The following FHOD3 variants were observed in gnomAD, a reference collection of about 807,000 sequenced individuals.
FHOD3 encodes FH1/FH2 domain-containing protein 3.
A neutral mutation model predicts 173.0 loss-of-function variants in FHOD3; 90 were observed. That is an observed-to-expected ratio of 0.52 (90% CI 0.44 to 0.62). The LOEUF (loss-of-function observed/expected upper bound fraction) is 0.62. FHOD3 is among the 20% of genes least tolerant of loss of function. The pLI is 0.00. For synonymous variants in FHOD3, 828 were observed against 823.0 expected (o/e 1.01, Z -0.10); for missense variants, 1,945 against 2,034.7 (o/e 0.96, Z 0.85).
intron 2 of FHOD3, among the ~76,000 whole-genome samples, chr18:36,356,548 A>G (rs1436782897): frequency 6.6e-6 from 1 of 151,440 alleles, no homozygotes; most frequent in East Asian, 1.9e-4. Flanking sequence ...CCCAGGCTGG[A>G]GTGCAGTGGC....
At chr18:36,678,012 T>C (rs2037974103) in intron 14 of FHOD3, among the ~76,000 whole-genome samples, 1 of 152,206 alleles carries the variant, frequency 6.6e-6, no homozygotes, top group Non-Finnish European at 1.5e-5. Flanking sequence ...TTCTATGTTT[T>C]ATATATAGAA....
intron 3 of FHOD3, among the ~76,000 whole-genome samples, chr18:36,423,961 A>C (rs1399387211): frequency 6.6e-6 from 1 of 152,206 alleles, no homozygotes; most frequent in Non-Finnish European, 1.5e-5. Context: ...TTTGAGCATA[A>C]CGTGGATTTC....
chr18:36,396,846 C>G (rs570824362), intron 3 of FHOD3, among the ~76,000 whole-genome samples: 1 of 150,704 alleles, frequency 6.6e-6, no homozygotes, highest in African/African-American at 2.4e-5. Flanking sequence ...AATCAGTTTT[C>G]TTGAACTTTT....
At chr18:36,628,792 A>C (rs1332980538) in intron 10 of FHOD3, among the ~76,000 whole-genome samples, 1 of 152,202 alleles carries the variant, frequency 6.6e-6, no homozygotes, top group Non-Finnish European at 1.5e-5. Context: ...GAGATGGGGT[A>C]CACTTCCAGG....
intron 9 of FHOD3, among the ~76,000 whole-genome samples, chr18:36,612,498 C>T (rs1250162912): frequency 6.6e-6 from 1 of 152,076 alleles, no homozygotes; most frequent in Admixed American, 6.6e-5. Context: ...TTGTAGCAAC[C>T]AATGCAAAAC....
At chr18:36,759,251 C>T in intron 26 of FHOD3, 110 bp downstream of exon 26, 3 of 1,194,698 alleles carry the variant, frequency 2.5e-6, no homozygotes, top group Non-Finnish European at 3.6e-6. Context: ...GTGCTTTAAA[C>T]AATGCATGGA....
At chr18:36,680,161 T>G (rs539839241) in intron 14 of FHOD3, among the ~76,000 whole-genome samples, 1 of 152,320 alleles carries the variant, frequency 6.6e-6, no homozygotes, top group South Asian at 2.1e-4. Flanking sequence ...AATATTGAAT[T>G]TGGTTACTCC....
chr18:36,749,141 G>A (rs2042293975), intron 24 of FHOD3, among the ~76,000 whole-genome samples: 1 of 152,064 alleles, frequency 6.6e-6, no homozygotes, highest in Admixed American at 6.5e-5. Flanking sequence ...ACTGTTTCCT[G>A]GCTAAGAAAA....
At chr18:36,459,881 AG>A (rs1568300085) in intron 3 of FHOD3, among the ~76,000 whole-genome samples, 2 of 152,096 alleles carry the variant, frequency 1.3e-5, no homozygotes, top group African/African-American at 4.8e-5. Context: ...TTCCTCTTCC[AG>A]GATTCTGTCC....
At chr18:36,549,518 C>G (rs2057550015) in intron 5 of FHOD3, among the ~76,000 whole-genome samples, 1 of 141,556 alleles carries the variant, frequency 7.1e-6, no homozygotes, top group African/African-American at 2.6e-5. Context: ...CATTTAGTGT[C>G]AGATCTAAGA....
intron 20 of FHOD3, among the ~76,000 whole-genome samples, chr18:36,733,096 C>G (rs774493863): frequency 3.9e-5 from 6 of 152,180 alleles, no homozygotes; most frequent in Non-Finnish European, 8.8e-5. Flanking sequence ...AAGGGTTGGT[C>G]TTAGGACCAC....
chr18:36,491,575 C>A (rs149674537), intron 3 of FHOD3, among the ~76,000 whole-genome samples: 358 of 152,252 alleles, frequency 2.4e-3, no homozygotes, highest in Non-Finnish European at 3.5e-3. Context: ...TTCATCCTTC[C>A]CTCCCTCCTC....
intron 28 of FHOD3, among the ~76,000 whole-genome samples, chr18:36,770,663 T>G (rs1320413274): frequency 6.6e-6 from 1 of 152,188 alleles, no homozygotes; most frequent in African/African-American, 2.4e-5. Flanking sequence ...GACAAGCTCC[T>G]AGATGAGGTT....
intron 3 of FHOD3, among the ~76,000 whole-genome samples, chr18:36,447,750 A>T (rs775737587): frequency 7.9e-5 from 12 of 152,260 alleles, no homozygotes; most frequent in Non-Finnish European, 1.3e-4. Flanking sequence ...GGTTAAGTTT[A>T]AGTACATTAT....
chr18:36,551,197 T>G (rs556606226), intron 5 of FHOD3, among the ~76,000 whole-genome samples: 204 of 152,340 alleles, frequency 1.3e-3, no homozygotes, highest in Non-Finnish European at 2.2e-3. Flanking sequence ...TGAACCACAT[T>G]GTTTATTTTA....
intron 10 of FHOD3, among the ~76,000 whole-genome samples, chr18:36,628,379 C>T (rs769979283): frequency 3.3e-5 from 5 of 152,074 alleles, no homozygotes; most frequent in East Asian, 1.9e-4. Flanking sequence ...ATTCTTCAAG[C>T]GAGATGATTA....
At chr18:36,746,895 C>T (rs552365468) in intron 23 of FHOD3, 50 bp from the exon 24 acceptor site, 2 of 1,446,764 alleles carry the variant, frequency 1.4e-6, no homozygotes, top group South Asian at 2.8e-5. Flanking sequence ...TCAGTTCAGG[C>T]TGGTGTCCGG....
intron 2 of FHOD3, among the ~76,000 whole-genome samples, chr18:36,364,403 C>A (rs960815734): frequency 6.6e-6 from 1 of 152,126 alleles, no homozygotes. Flanking sequence ...GGAGTGCACG[C>A]CCATTTCTGT....
intron 3 of FHOD3, 138 bp downstream of exon 3, chr18:36,372,882 C>T: frequency 2.8e-6 from 2 of 718,194 alleles, no homozygotes; most frequent in Non-Finnish European, 4.6e-6. Context: ...GAAACAATTT[C>T]CAGCAATGAT....
Sources: gnomAD v4.1 joint callset for allele counts (sites outside exome capture counted in the v4.1 genomes callset) on GRCh38, gnomAD v4.1.1 for gene constraint, MANE v1.5 for transcripts, NCBI Gene and HGNC (gene_info 2026-07-23, HGNC 2026-07-21) for gene names.